The following GALNT13 variants were observed in gnomAD, a reference collection of about 807,000 sequenced individuals.
GALNT13 encodes the protein UDP-GalNAc:polypeptide N-acetylgalactosaminyltransferase 13.
Under a neutral mutation model 64.2 loss-of-function variants are expected in GALNT13, and 28 were observed. The ratio of observed to expected loss-of-function variants is 0.44; its 90% CI spans 0.32 to 0.60. The LOEUF is 0.60. GALNT13 is among the 20% of genes least tolerant of loss of function. The probability of loss-of-function intolerance (pLI) is 0.05; values close to 1 mark genes in which losing one functional copy is unlikely to be tolerated. For synonymous variants in GALNT13, 214 were observed against 224.6 expected, an observed-to-expected ratio of 0.95 and a Z score of 0.42; for missense variants, 577 against 669.8, an observed-to-expected ratio of 0.86 and a Z score of 1.53.
chr2:153,778,223 C>A, the GALNT13 span, among the ~76,000 whole-genome samples: 1 of 152,206 alleles, frequency 6.6e-6, no homozygotes, highest in African/African-American at 2.4e-5. Flanking sequence ...CTCCTCTCGA[C>A]ATCCAGCCAC....
intron 4 of GALNT13, among the ~76,000 whole-genome samples, chr2:154,189,472 CAAAAAA>C (rs35557058): frequency 1.2e-5 from 1 of 81,404 alleles, no homozygotes; most frequent in Non-Finnish European, 2.4e-5. Context: ...ACGTGCACAC[CAAAAAA>C]AAAAAAAAAA....
At chr2:154,403,362 A>T (rs1699384673) in intron 10 of GALNT13, among the ~76,000 whole-genome samples, 1 of 152,010 alleles carries the variant, frequency 6.6e-6, no homozygotes, top group African/African-American at 2.4e-5. Context: ...AGACTGAGAC[A>T]TGAAAATCAC....
intron 3 of GALNT13, among the ~76,000 whole-genome samples, chr2:154,041,424 A>C (rs1447516454): frequency 7.1e-6 from 1 of 140,494 alleles, no homozygotes; most frequent in Non-Finnish European, 1.6e-5. Flanking sequence ...TATTCCTTCT[A>C]AATTTCACGC....
At chr2:153,180,638 C>A in the GALNT13 span, among the ~76,000 whole-genome samples, 21 of 152,092 alleles carry the variant, frequency 1.4e-4, no homozygotes, top group Non-Finnish European at 8.8e-5. Context: ...AGCAGTGAAG[C>A]CCTCAGGTTC....
chr2:153,805,106 T>C, the GALNT13 span, among the ~76,000 whole-genome samples: 1 of 151,738 alleles, frequency 6.6e-6, no homozygotes, highest in Admixed American at 6.6e-5. Flanking sequence ...ATGTAAATTA[T>C]GAAACAGAAT....
chr2:153,721,442 A>G, the GALNT13 span, among the ~76,000 whole-genome samples: 1 of 148,988 alleles, frequency 6.7e-6, no homozygotes, highest in Non-Finnish European at 1.5e-5. Context: ...TAATGACAGG[A>G]TCAAATTCAC....
At chr2:153,545,091 G>C in the GALNT13 span, among the ~76,000 whole-genome samples, 1 of 151,980 alleles carries the variant, frequency 6.6e-6, no homozygotes, top group African/African-American at 2.4e-5. Flanking sequence ...ATTTGGCTTT[G>C]AGTAGCAAAG....
the GALNT13 span, among the ~76,000 whole-genome samples, chr2:153,519,884 G>T: frequency 6.6e-6 from 1 of 152,042 alleles, no homozygotes; most frequent in Non-Finnish European, 1.5e-5. Flanking sequence ...AGAATATCTG[G>T]AGTGTTCTGG....
chr2:154,056,234 T>C (rs1558934126), intron 3 of GALNT13, among the ~76,000 whole-genome samples: 1 of 152,196 alleles, frequency 6.6e-6, no homozygotes, highest in Non-Finnish European at 1.5e-5. Context: ...CTGTTGAGTT[T>C]GTCATTCTCC....
chr2:153,422,623 T>G, the GALNT13 span, among the ~76,000 whole-genome samples: 6 of 149,752 alleles, frequency 4.0e-5, no homozygotes, highest in Non-Finnish European at 9.0e-5. Context: ...ACTAATACAA[T>G]AGACAAATCA....
the GALNT13 span, among the ~76,000 whole-genome samples, chr2:153,677,572 A>G: frequency 1.3e-4 from 20 of 152,044 alleles, no homozygotes; most frequent in African/African-American, 4.3e-4. Context: ...TACAATTTAT[A>G]TGGAACCAAA....
At chr2:154,176,023 G>A (rs561439566) in intron 4 of GALNT13, among the ~76,000 whole-genome samples, 1 of 151,974 alleles carries the variant, frequency 6.6e-6, no homozygotes, top group East Asian at 1.9e-4. Context: ...GTAAAAAAAA[G>A]GTTAAGAAAC....
chr2:153,365,745 C>T, the GALNT13 span, among the ~76,000 whole-genome samples: 1 of 152,094 alleles, frequency 6.6e-6, no homozygotes, highest in Non-Finnish European at 1.5e-5. Context: ...CAAGAAATAA[C>T]AGATCCTAGC....
chr2:154,252,796 GAGAGGAGAGA>G (rs1430677489), intron 7 of GALNT13, among the ~76,000 whole-genome samples: 1 of 151,962 alleles, frequency 6.6e-6, no homozygotes. Flanking sequence ...ATAAGGAAAG[GAGAGGAGAGA>G]AGAGGAGAGG....
chr2:153,320,966 G>A, the GALNT13 span, among the ~76,000 whole-genome samples: 1 of 152,086 alleles, frequency 6.6e-6, no homozygotes, highest in African/African-American at 2.4e-5. Context: ...GAGTTGATAG[G>A]CTCTGTTTTA....
At chr2:153,692,387 A>G in the GALNT13 span, among the ~76,000 whole-genome samples, 1 of 152,196 alleles carries the variant, frequency 6.6e-6, no homozygotes, top group African/African-American at 2.4e-5. Context: ...CCCTGCAAAT[A>G]TCATAGAAAT....
intron 8 of GALNT13, among the ~76,000 whole-genome samples, chr2:154,288,371 C>T (rs1178436716): frequency 6.6e-6 from 1 of 152,024 alleles, no homozygotes; most frequent in Non-Finnish European, 1.5e-5. Context: ...CCACCTCTGG[C>T]CCCTCCCAAA....
intron 3 of GALNT13, among the ~76,000 whole-genome samples, chr2:154,052,533 T>C (rs1184043872): frequency 6.6e-6 from 1 of 152,130 alleles, no homozygotes; most frequent in East Asian, 1.9e-4. Context: ...TCACAGTTAC[T>C]AAATGTATCC....
At chr2:154,196,022 T>C (rs969551215) in intron 4 of GALNT13, among the ~76,000 whole-genome samples, 1 of 152,236 alleles carries the variant, frequency 6.6e-6, no homozygotes, top group Admixed American at 6.5e-5. Context: ...GGCCTGGGCC[T>C]GTGAGTCAGT....
Sources: gnomAD v4.1 joint callset for allele counts (sites outside exome capture counted in the v4.1 genomes callset) on GRCh38, gnomAD v4.1.1 for gene constraint, MANE v1.5 for transcripts, NCBI Gene and HGNC (gene_info 2026-07-23, HGNC 2026-07-21) for gene names.